The following ZNF571 variants were observed in gnomAD, a reference collection of about 807,000 sequenced individuals.
The protein encoded by ZNF571 is zinc finger protein 571.
Under a neutral mutation model 7.7 loss-of-function variants are expected in ZNF571, and 4 were observed. The ratio of observed to expected loss-of-function variants is 0.52; its 90% CI spans 0.25 to 1.18. ZNF571 has a LOEUF of 1.18. Ranked by LOEUF, ZNF571 falls within the 50% of genes most tolerant of loss-of-function variation. The pLI is 0.14. For synonymous variants in ZNF571, 251 were observed against 232.4 expected, an observed-to-expected ratio of 1.08 and a Z score of -0.73; for missense variants, 704 against 726.9, an observed-to-expected ratio of 0.97 and a Z score of 0.36.
chr19:37,587,290 A>G (rs1308320933), intron 1 of ZNF571: 4 of 152,262 alleles, frequency 2.6e-5, no homozygotes, highest in East Asian at 1.9e-4. Flanking sequence ...TATTCTCCCA[A>G]TTACAACACC....
At chr19:37,586,263 CA>C (rs1600528432) in intron 2 of ZNF571, 3 of 161,710 alleles carry the variant, frequency 1.9e-5, no homozygotes, top group South Asian at 4.0e-4. Flanking sequence ...GAACATCCAA[CA>C]AAAAAATGCT....
In ZNF571 at chr19:37,573,578, G is replaced by T. The variant is rs566612297; in HGVS notation, c.137-7287C>A. Among the ~76,000 whole-genome samples the T allele has an allele frequency of 5.9e-5, 9 of 151,934 alleles. No individual in the cohort carries two copies. The East Asian group carries it at 1.7e-3, about 29-fold the overall frequency. The stretch of plus-strand genomic sequence containing the variant: ...GCAGTGGTTCACAACTGTAATGCTA[G>T]GACTTTGGGAGGCTGAGTCAGGAGG... On this transcript the variant is annotated intron_variant, in intron 3 of 3. Coordinates refer to ENST00000451802, the MANE Select transcript of ZNF571 (RefSeq NM_016536.5).
At chr19:37,570,888 T>C (rs930819845) in intron 3 of ZNF571, among the ~76,000 whole-genome samples, 2 of 151,724 alleles carry the variant, frequency 1.3e-5, no homozygotes, top group African/African-American at 4.9e-5. Flanking sequence ...AAAGCATATG[T>C]AGAAGCCCCA....
chr19:37,588,074 TG>T (rs1227050320), intron 1 of ZNF571, among the ~76,000 whole-genome samples: 2 of 113,674 alleles, frequency 1.8e-5, no homozygotes, highest in African/African-American at 7.0e-5. Flanking sequence ...CACTCCAGCC[TG>T]GGTGACAGAG....
intron 1 of ZNF571, among the ~76,000 whole-genome samples, chr19:37,588,498 T>C (rs1222368414): frequency 6.6e-6 from 1 of 152,148 alleles, no homozygotes; most frequent in Non-Finnish European, 1.5e-5. Context: ...AACTGGAAGC[T>C]AAGCACTGGG....
chr19:37,575,771 A>G (rs1460290809), intron 3 of ZNF571: 1 of 152,220 alleles, frequency 6.6e-6, no homozygotes. Flanking sequence ...TTGTGATCCA[A>G]CATGGCTGTC....
At position 37,565,777 on chromosome 19, in the gene ZNF571, A is replaced by T. The variant is rs762229108; in HGVS notation, c.651T>A (p.His217Gln). ...TACACTGATAAGGTTTTTCATTAGT[A>T]TGAATTTTCTGATGTTGAATGAGAT... ...TSDLIQHQKI[H>Q]TNEKPYQCNA... Residue 217 changes from histidine (H) to glutamine (Q), a missense_variant, in exon 4 of 4, where the codon CAT (histidine) becomes CAA (glutamine). By Grantham distance (24) the His-to-Gln change is conservative (BLOSUM62 0). Coordinates refer to ENST00000451802, the MANE Select transcript of ZNF571 (RefSeq NM_016536.5). The T allele has an allele frequency of 1.2e-6, 2 of 1,613,848 alleles. No homozygotes were observed. Among genetic ancestry groups the T allele is most frequent in the Non-Finnish European group, 1.7e-6 (2 of 1,179,884 alleles).
At chr19:37,591,171 G>A (rs751863096) in intron 1 of ZNF571, among the ~76,000 whole-genome samples, 3 of 152,200 alleles carry the variant, frequency 2.0e-5, no homozygotes, top group Non-Finnish European at 2.9e-5. Flanking sequence ...CTAATGCCCA[G>A]ACAGTGGTCA....
chr19:37,588,476 G>T (rs1417481545), intron 1 of ZNF571, among the ~76,000 whole-genome samples: 1 of 152,118 alleles, frequency 6.6e-6, no homozygotes, highest in African/African-American at 2.4e-5. Flanking sequence ...AATACCACAT[G>T]TTGTCCTTTA....
At chr19:37,584,886 C>A (rs2043611200) in intron 2 of ZNF571, among the ~76,000 whole-genome samples, 1 of 151,696 alleles carries the variant, frequency 6.6e-6, no homozygotes, top group Non-Finnish European at 1.5e-5. Context: ...ATGGCGTGAA[C>A]CCTGGAGGCG....
intron 1 of ZNF571, 45 bp from the exon 2 acceptor site, chr19:37,586,790 C>T: frequency 2.6e-6 from 3 of 1,151,222 alleles, no homozygotes; most frequent in African/African-American, 1.6e-5. Flanking sequence ...GGCTCACAGC[C>T]CACAAAATAA....
At chr19:37,586,555 G>T in intron 2 of ZNF571, 113 bp downstream of exon 2, 3 of 1,217,968 alleles carry the variant, frequency 2.5e-6, no homozygotes, top group South Asian at 1.3e-5. Context: ...GGAGACGTTT[G>T]GAAGCAGTTC....
chr19:37,583,745 C>A, intron 3 of ZNF571: 1 of 429,192 alleles, frequency 2.3e-6, no homozygotes, highest in Non-Finnish European at 4.2e-6. Context: ...TTCCCAGATT[C>A]AAATCTAGTC....
At chr19:37,580,854 G>A (rs1244571319) in intron 3 of ZNF571, among the ~76,000 whole-genome samples, 1 of 152,140 alleles carries the variant, frequency 6.6e-6, no homozygotes, top group Non-Finnish European at 1.5e-5. Context: ...AGAACCACGA[G>A]CCAAATAAAC....
At chr19:37,584,190 T>C (rs2043578258) in intron 2 of ZNF571, 93 bp from the exon 3 acceptor site, 6 of 1,578,206 alleles carry the variant, frequency 3.8e-6, no homozygotes, top group South Asian at 3.4e-5. Context: ...AGGAAGCAAG[T>C]AACACAAAAC....
At chr19:37,581,682 T>C (rs2043469952) in intron 3 of ZNF571, among the ~76,000 whole-genome samples, 1 of 152,020 alleles carries the variant, frequency 6.6e-6, no homozygotes, top group East Asian at 1.9e-4. Flanking sequence ...AGGCTGGTCC[T>C]GAATTCCTGG....
At chr19:37,566,605 G>T in intron 3 of ZNF571, 1 of 215,098 alleles carries the variant, frequency 4.6e-6, no homozygotes, top group Non-Finnish European at 9.2e-6. Context: ...TGTGTAGCTG[G>T]ACATACAATC....
In ZNF571 at chr19:37,565,044, GAT is replaced by G. The variant is rs754908415; in HGVS notation, c.1382_1383del (p.Tyr461SerfsTer5). ...ECGKAFIRVA[Y>X]LTQHEKIHGE... ...CCATGAATTTTCTCATGTTGAGTAAGATATGCAACACGAATAAAGGCCTTTCC... is the reference window on the plus strand; with the variant it reads ...CCATGAATTTTCTCATGTTGAGTAAGATGCAACACGAATAAAGGCCTTTCC... On this transcript the variant is annotated frameshift_variant, in exon 4 of 4. Transcript: ENST00000451802. LOFTEE classifies it low-confidence loss of function (END_TRUNC). 2 of 1,613,584 alleles carry G rather than the reference GAT, an allele frequency of 1.2e-6. No individual in the cohort carries two copies. Among genetic ancestry groups the G allele is most frequent in the African/African-American group, 2.7e-5 (2 of 74,830 alleles).
chr19:37,586,562 G>T, intron 2 of ZNF571, 106 bp downstream of exon 2: 1 of 1,325,152 alleles, frequency 7.5e-7, no homozygotes, highest in Non-Finnish European at 1.1e-6. Flanking sequence ...TTTGGAAGCA[G>T]TTCCCTTAAG....
Sources: allele counts gnomAD v4.1 joint callset (sites outside exome capture counted in the v4.1 genomes callset), GRCh38; gene constraint gnomAD v4.1.1; transcripts MANE v1.5; gene names NCBI Gene and HGNC (gene_info 2026-07-23, HGNC 2026-07-21).